Variants in CREBBP observed in about 807,000 individuals in gnomAD.
CREBBP encodes the protein CREB binding lysine acetyltransferase.
In CREBBP, 19 loss-of-function variants were observed where a neutral mutation model predicts 265.0. The ratio of observed to expected loss-of-function variants is 0.07; its 90% CI spans 0.05 to 0.11. The LOEUF is 0.11. Ranked by LOEUF, CREBBP falls within the 10% of genes least tolerant of loss-of-function variation. The pLI, the probability that CREBBP is intolerant of heterozygous loss-of-function variation, is 1.00. For missense variants in CREBBP, 2,525 were observed against 3,219.0 expected (o/e 0.78, Z 5.22); for synonymous variants, 1,457 against 1,223.7 (o/e 1.19, Z -3.98).
intron 2 of CREBBP, among the ~76,000 whole-genome samples, chr16:3,813,684 C>T (rs1212135203): frequency 6.6e-6 from 1 of 152,188 alleles, no homozygotes; most frequent in Non-Finnish European, 1.5e-5. Context: ...TCGATCAATT[C>T]ATCCTCGAAG....
chr16:3,753,616 T>C (rs2052523408), intron 19 of CREBBP, among the ~76,000 whole-genome samples: 1 of 152,120 alleles, frequency 6.6e-6, no homozygotes, highest in Admixed American at 6.6e-5. Flanking sequence ...TTTGTAAATA[T>C]CCTAAAATCC....
At chr16:3,826,676 A>C (rs190211148) in intron 2 of CREBBP, among the ~76,000 whole-genome samples, 1 of 152,202 alleles carries the variant, frequency 6.6e-6, no homozygotes, top group Non-Finnish European at 1.5e-5. Context: ...GTTCTCCTCA[A>C]AACTGTCAAG....
rs2054746596 is a variant in CREBBP, at chr16:3,849,423, GTGTGTGTGTGTGTGTGT to G, written c.798+857_798+873del. Among the ~76,000 whole-genome samples the G allele has an allele frequency of 7.4e-3, 73 of 9,840 alleles. 2 individuals are homozygous for G. Among genetic ancestry groups the G allele is most frequent in the East Asian group, 0.011 (2 of 184 alleles). The allele number at this position is 9,840 out of a possible 152,430, so 6.5% of individuals were successfully genotyped here. Reference sequence around the variant, plus strand: ...TGTGTGTGTGTGTGTGTGTGTGTGTGTGTGTGTGTGTGTGTGTGTGTGTGTGTGTGTGTGTGTGTGTG... The same window carrying G: ...TGTGTGTGTGTGTGTGTGTGTGTGTGGTGTGTGTGTGTGTGTGTGTGTGTG... On this transcript the variant is annotated intron_variant, in intron 2 of 30. Coordinates refer to ENST00000262367, the MANE Select transcript of CREBBP (RefSeq NM_004380.3).
At chr16:3,758,170 A>G (rs1456728494) in intron 17 of CREBBP, 122 bp from the exon 18 acceptor site, 2 of 1,013,086 alleles carry the variant, frequency 2.0e-6, no homozygotes, top group Non-Finnish European at 2.9e-6. Context: ...TCCATTCCCA[A>G]CAGTAAGAAA....
intron 4 of CREBBP, 134 bp downstream of exon 4, chr16:3,793,249 GCAA>G: frequency 8.5e-7 from 1 of 1,175,068 alleles, no homozygotes; most frequent in Non-Finnish European, 1.3e-6. Flanking sequence ...GAACGTGAGC[GCAA>G]CATGTCTTGC....
intron 2 of CREBBP, among the ~76,000 whole-genome samples, chr16:3,841,644 A>G (rs2054568915): frequency 6.6e-6 from 1 of 152,134 alleles, no homozygotes; most frequent in African/African-American, 2.4e-5. Context: ...TTGTCTCAAA[A>G]TAAATAAATA....
In CREBBP at chr16:3,782,666, G is replaced by T. The variant is rs755099785; in HGVS notation, c.1573+18C>A. ...CATGTGGACAAGTAAGAACGAAGTT[G>T]AGAGTTCCTTCACCTACCCAGGGGG... is the stretch of plus-strand genomic sequence containing the variant. On this transcript the variant is annotated intron_variant, in intron 6 of 30. Transcript: ENST00000262367. 6.8e-6 allele frequency: 11 copies of T among 1,613,626 alleles called. No homozygotes were observed. Among genetic ancestry groups the T allele is most frequent in the Non-Finnish European group, 9.3e-6 (11 of 1,179,736 alleles).
At chr16:3,800,734 A>G (rs547012554) in intron 3 of CREBBP, among the ~76,000 whole-genome samples, 50 of 152,186 alleles carry the variant, frequency 3.3e-4, no homozygotes, top group Admixed American at 8.5e-4. Context: ...AAAGACAAAA[A>G]CAAAATCAAA....
chr16:3,830,895 T>C (rs977358490), intron 2 of CREBBP, among the ~76,000 whole-genome samples: 32 of 152,082 alleles, frequency 2.1e-4, no homozygotes, highest in Non-Finnish European at 4.3e-4. Flanking sequence ...GATTTTTGTA[T>C]CTCAGCCCCC....
intron 5 of CREBBP, among the ~76,000 whole-genome samples, chr16:3,787,232 G>A (rs2053408482): frequency 1.3e-5 from 2 of 152,170 alleles, no homozygotes; most frequent in Admixed American, 6.5e-5. Context: ...AAGCACTGAG[G>A]GGAACCCAGG....
At chr16:3,783,879 G>C (rs1382855601) in intron 5 of CREBBP, among the ~76,000 whole-genome samples, 1 of 152,144 alleles carries the variant, frequency 6.6e-6, no homozygotes, top group Non-Finnish European at 1.5e-5. Context: ...CTCCAAACTT[G>C]CATCAACTTG....
At chr16:3,863,576 T>C (rs1289004335) in intron 1 of CREBBP, among the ~76,000 whole-genome samples, 1 of 152,188 alleles carries the variant, frequency 6.6e-6, no homozygotes. Flanking sequence ...CACTCCAGCC[T>C]GGGTGACAGA....
intron 1 of CREBBP, among the ~76,000 whole-genome samples, chr16:3,860,361 G>A (rs1183970188): frequency 6.6e-6 from 1 of 152,068 alleles, no homozygotes; most frequent in Non-Finnish European, 1.5e-5. Flanking sequence ...TTTAAGAGAT[G>A]GGGTCTGTGT....
In CREBBP at chr16:3,762,904, C is replaced by A. The variant is rs562809520; in HGVS notation, c.3251-3932G>T. Among the ~76,000 whole-genome samples the A allele has an allele frequency of 4.6e-5, 7 of 151,920 alleles. No homozygotes were observed. In the South Asian group the frequency reaches 1.2e-3, roughly 27 times the overall value. ...ATTCTCCTGCCTCAGCCTCCCGAGTCGCTGGGACTACAGGCGCCTGTCACC... is the reference window on the plus strand; with the variant it reads ...ATTCTCCTGCCTCAGCCTCCCGAGTAGCTGGGACTACAGGCGCCTGTCACC... On this transcript the variant is annotated intron_variant, in intron 16 of 30. Transcript: ENST00000262367.
chr16:3,808,169 G>A (rs939587957), intron 3 of CREBBP, among the ~76,000 whole-genome samples: 21 of 150,556 alleles, frequency 1.4e-4, no homozygotes, highest in Admixed American at 7.3e-4. Flanking sequence ...GGGGGGCAGC[G>A]GGGGAGAGAG....
At chr16:3,877,787 T>C (rs576638802) in intron 1 of CREBBP, among the ~76,000 whole-genome samples, 1 of 152,372 alleles carries the variant, frequency 6.6e-6, no homozygotes, top group East Asian at 1.9e-4. Flanking sequence ...GTGATGGTGA[T>C]GAATGTGTAA....
rs2053088012 is a variant in CREBBP, at chr16:3,774,468, C to A, written c.2283+101G>T. On this transcript the variant is annotated intron_variant, in intron 12 of 30. Transcript: ENST00000262367. ...AAAGCATAACCCAAATTCAAAGGAA[C>A]AAGAACCACAGGATTCTCAAGTGAC... is the stretch of plus-strand genomic sequence containing the variant. The A allele has an allele frequency of 5.2e-6, 8 of 1,528,890 alleles. No individual in the cohort carries two copies. In the East Asian group the frequency reaches 1.8e-4, roughly 35 times the overall value. 94.7% of individuals were successfully genotyped at this position (1,528,890 alleles called of 1,614,324 possible).
At chr16:3,752,548 C>T (rs2052497807) in intron 19 of CREBBP, among the ~76,000 whole-genome samples, 1 of 151,448 alleles carries the variant, frequency 6.6e-6, no homozygotes, top group Non-Finnish European at 1.5e-5. Context: ...AACATAAATG[C>T]AGTCAGGGTC....
At chr16:3,803,527 AC>A (rs992281501) in intron 3 of CREBBP, among the ~76,000 whole-genome samples, 13 of 152,106 alleles carry the variant, frequency 8.5e-5, no homozygotes, top group African/African-American at 2.4e-4. Context: ...AACAAAAAAA[AC>A]AAAACATCTA....
Sources: gnomAD v4.1 joint callset for allele counts (sites outside exome capture counted in the v4.1 genomes callset) on GRCh38, gnomAD v4.1.1 for gene constraint, MANE v1.5 for transcripts, NCBI Gene and HGNC (gene_info 2026-07-23, HGNC 2026-07-21) for gene names.